Variants in ZMYM2 observed in about 807,000 individuals in gnomAD.
ZMYM2 encodes zinc finger MYM-type containing 2, also known as zinc finger MYM-type protein 2.
Under a neutral mutation model 162.8 loss-of-function variants are expected in ZMYM2, and 56 were observed. That is an observed-to-expected ratio of 0.34 (90% CI 0.28 to 0.43). ZMYM2 has a LOEUF of 0.43. Among genes scored for constraint, ZMYM2 ranks in the 20% least tolerant of loss-of-function variants. The pLI, the probability that ZMYM2 is intolerant of heterozygous loss-of-function variation, is 1.00. For missense variants in ZMYM2, 1,275 were observed against 1,621.8 expected (o/e 0.79, Z 3.67); for synonymous variants, 510 against 541.6 (o/e 0.94, Z 0.81).
At chr13:19,963,458 G>C (rs1343783614) in intron 2 of ZMYM2, among the ~76,000 whole-genome samples, 1 of 152,160 alleles carries the variant, frequency 6.6e-6, no homozygotes, top group African/African-American at 2.4e-5. Flanking sequence ...GCAGCAATCT[G>C]AGTAACAGTT....
At chr13:19,885,979 A>ATATACACATATATG in the ZMYM2 span, among the ~76,000 whole-genome samples, 4 of 34,072 alleles carry the variant, frequency 1.2e-4, no homozygotes, top group East Asian at 9.9e-4. Flanking sequence ...ACACATATAT[A>ATATACACATATATG]TGTATATACA....
the ZMYM2 span, among the ~76,000 whole-genome samples, chr13:19,922,146 C>G: frequency 6.6e-6 from 1 of 152,034 alleles, no homozygotes; most frequent in African/African-American, 2.4e-5. Context: ...AACTCCTGAC[C>G]TCAGGTGATC....
intron 17 of ZMYM2, among the ~76,000 whole-genome samples, chr13:20,062,555 T>A (rs995793194): frequency 2.0e-5 from 3 of 152,218 alleles, no homozygotes; most frequent in African/African-American, 7.2e-5. Context: ...AGAAATACTT[T>A]ACTTGTTGAA....
chr13:19,866,332 C>T, the ZMYM2 span, among the ~76,000 whole-genome samples: 1 of 152,124 alleles, frequency 6.6e-6, no homozygotes, highest in African/African-American at 2.4e-5. Context: ...TAAATTTTGC[C>T]TGTCATTGTT....
chr13:20,067,072 GTTA>G, intron 20 of ZMYM2, 53 bp downstream of exon 20: 2 of 1,504,506 alleles, frequency 1.3e-6, no homozygotes, highest in Non-Finnish European at 1.8e-6. Flanking sequence ...CAAGATTTCT[GTTA>G]TTGAGTACCT....
At chr13:20,019,129 C>A (rs1951866471) in intron 6 of ZMYM2, among the ~76,000 whole-genome samples, 1 of 150,714 alleles carries the variant, frequency 6.6e-6, no homozygotes, top group African/African-American at 2.4e-5. Flanking sequence ...TTTCTCAATC[C>A]ATTTTGCATA....
intron 9 of ZMYM2, among the ~76,000 whole-genome samples, chr13:20,029,605 G>A (rs186848165): frequency 6.6e-6 from 1 of 152,066 alleles, no homozygotes; most frequent in Non-Finnish European, 1.5e-5. Context: ...TTTAAAAATG[G>A]TAGTTTTTTC....
intron 14 of ZMYM2, among the ~76,000 whole-genome samples, chr13:20,056,856 A>G (rs1191865824): frequency 1.3e-5 from 2 of 152,176 alleles, no homozygotes; most frequent in South Asian, 2.1e-4. Flanking sequence ...TTTAAGCGCT[A>G]CTGAGAACAT....
chr13:19,979,005 G>A (rs7331329), intron 2 of ZMYM2, among the ~76,000 whole-genome samples: 21,974 of 152,014 alleles, frequency 0.14, 2,977 homozygotes, highest in African/African-American at 0.36. Context: ...GTTTTGCTGC[G>A]TATAGAATTC....
intron 12 of ZMYM2, among the ~76,000 whole-genome samples, chr13:20,042,503 T>C (rs1446655730): frequency 6.6e-6 from 1 of 152,190 alleles, no homozygotes. Flanking sequence ...TGCTTCTCAG[T>C]GATCTTCATG....
chr13:20,082,582 A>T (rs1323086070), intron 22 of ZMYM2, among the ~76,000 whole-genome samples, 199 bp from the exon 23 acceptor site: 4 of 152,212 alleles, frequency 2.6e-5, no homozygotes, highest in Non-Finnish European at 5.9e-5. Context: ...CCAGTCCCTT[A>T]TTCCATAGAT....
intron 9 of ZMYM2, among the ~76,000 whole-genome samples, chr13:20,030,135 T>C (rs1286404862): frequency 6.6e-6 from 1 of 152,114 alleles, no homozygotes; most frequent in African/African-American, 2.4e-5. Flanking sequence ...AATAGTAAAA[T>C]TCCTCTTATG....
the ZMYM2 span, among the ~76,000 whole-genome samples, chr13:19,880,140 C>G: frequency 6.6e-6 from 1 of 152,124 alleles, no homozygotes; most frequent in African/African-American, 2.4e-5. Flanking sequence ...TTCCTAGTTC[C>G]CCAGCTTTCA....
upstream of ZMYM2, among the ~76,000 whole-genome samples, chr13:19,957,456 T>C (rs754907703): frequency 2.0e-5 from 3 of 152,224 alleles, no homozygotes; most frequent in Non-Finnish European, 2.9e-5. Flanking sequence ...TACGTGAGTC[T>C]TGGAAATGGT....
At chr13:20,061,369 T>TTCGTC in intron 17 of ZMYM2, 145 bp downstream of exon 17, 1 of 692,196 alleles carries the variant, frequency 1.4e-6, no homozygotes, top group Non-Finnish European at 2.1e-6. Context: ...TTTTTTATAT[T>TTCGTC]AAGAGATCTA....
chr13:20,074,982 A>C (rs945607175), intron 21 of ZMYM2, among the ~76,000 whole-genome samples: 5 of 152,228 alleles, frequency 3.3e-5, no homozygotes, highest in African/African-American at 1.2e-4. Flanking sequence ...AAATTGTGGA[A>C]TATCTATTTT....
chr13:19,878,533 T>C, the ZMYM2 span, among the ~76,000 whole-genome samples: 1 of 148,562 alleles, frequency 6.7e-6, no homozygotes, highest in Non-Finnish European at 1.5e-5. Flanking sequence ...TTTTTTTTTT[T>C]TTTTTGAGAT....
At chr13:19,908,800 T>C in the ZMYM2 span, among the ~76,000 whole-genome samples, 1 of 152,314 alleles carries the variant, frequency 6.6e-6, no homozygotes, top group East Asian at 1.9e-4. Flanking sequence ...ATTAAATAGT[T>C]TGTGATACCA....
At chr13:19,932,505 AGGT>A in the ZMYM2 span, among the ~76,000 whole-genome samples, 1 of 151,964 alleles carries the variant, frequency 6.6e-6, no homozygotes. Flanking sequence ...AAAATTAGCC[AGGT>A]GGTGGTGGTG....
Sources: allele counts gnomAD v4.1 joint callset (sites outside exome capture counted in the v4.1 genomes callset), GRCh38; gene constraint gnomAD v4.1.1; transcripts MANE v1.5; gene names NCBI Gene and HGNC (gene_info 2026-07-23, HGNC 2026-07-21).